Variants in ZNF560 observed in about 807,000 individuals in gnomAD.
ZNF560 encodes the protein zinc finger protein 560.
Under a neutral mutation model 81.8 loss-of-function variants are expected in ZNF560, and 54 were observed. That is an observed-to-expected ratio of 0.66 (90% CI 0.53 to 0.83). The LOEUF is 0.83. Among genes scored for constraint, ZNF560 ranks in the 40% least tolerant of loss-of-function variants. The pLI, the probability that ZNF560 is intolerant of heterozygous loss-of-function variation, is 0.00. For missense variants in ZNF560, 940 were observed against 932.4 expected (o/e 1.01, Z -0.11); for synonymous variants, 321 against 317.9 (o/e 1.01, Z -0.10).
intron 2 of ZNF560, among the ~76,000 whole-genome samples, chr19:9,479,180 A>T (rs2073247767): frequency 6.7e-6 from 1 of 150,138 alleles, no homozygotes; most frequent in African/African-American, 2.5e-5. Context: ...TTTTTTCCAA[A>T]ATGGAAAAAA....
At chr19:9,451,082 A>G in the ZNF560 span, among the ~76,000 whole-genome samples, 2 of 152,094 alleles carry the variant, frequency 1.3e-5, no homozygotes, top group African/African-American at 4.8e-5. Context: ...TATTCCTATC[A>G]AACTCTCAAT....
chr19:9,475,178 C>G, intron 3 of ZNF560, 106 bp downstream of exon 3: 1 of 1,230,462 alleles, frequency 8.1e-7, no homozygotes, highest in Admixed American at 1.9e-5. Context: ...TTGAGTGAGT[C>G]TTTATTTACT....
At chr19:9,498,755 GC>G (rs2073603266), upstream of ZNF560, 1 of 152,422 alleles carries the variant, frequency 6.6e-6, no homozygotes, top group East Asian at 1.9e-4. Context: ...TCGGCTCAGT[GC>G]CTGGGTGGGC....
intron 2 of ZNF560, among the ~76,000 whole-genome samples, chr19:9,477,646 C>T (rs1265697855): frequency 6.6e-6 from 1 of 152,152 alleles, no homozygotes; most frequent in Non-Finnish European, 1.5e-5. Context: ...TCAGACTCTG[C>T]CCCTTATATT....
At chr19:9,459,079 C>A in the ZNF560 span, among the ~76,000 whole-genome samples, 2 of 152,180 alleles carry the variant, frequency 1.3e-5, no homozygotes, top group Non-Finnish European at 2.9e-5. Context: ...CAAGCTCTAG[C>A]TACATTTTTC....
At chr19:9,482,581 G>C (rs2073307122) in intron 2 of ZNF560, among the ~76,000 whole-genome samples, 1 of 151,942 alleles carries the variant, frequency 6.6e-6, no homozygotes, top group African/African-American at 2.4e-5. Flanking sequence ...AGCCATGACT[G>C]CAGCACTGCA....
chr19:9,450,195 G>A, the ZNF560 span, among the ~76,000 whole-genome samples: 116 of 151,416 alleles, frequency 7.7e-4, no homozygotes, highest in Non-Finnish European at 1.3e-3. Context: ...GAAGGCTGAG[G>A]CAGGAGAATC....
the ZNF560 span, among the ~76,000 whole-genome samples, chr19:9,450,426 G>A: frequency 6.6e-6 from 1 of 152,180 alleles, no homozygotes; most frequent in African/African-American, 2.4e-5. Context: ...CTGATGATAT[G>A]AGTCTGTACA....
At chr19:9,504,722 G>T in the ZNF560 span, among the ~76,000 whole-genome samples, 4 of 152,082 alleles carry the variant, frequency 2.6e-5, no homozygotes, top group African/African-American at 4.8e-5. Flanking sequence ...ATATAACTTT[G>T]GGGTCTGTTT....
chr19:9,502,143 G>T (rs1233099256), upstream of ZNF560, among the ~76,000 whole-genome samples: 1 of 151,232 alleles, frequency 6.6e-6, no homozygotes, highest in Admixed American at 6.6e-5. Flanking sequence ...GACAGAGCAA[G>T]ATCTCATCTC....
intron 5 of ZNF560, among the ~76,000 whole-genome samples, chr19:9,471,926 C>A (rs977994294): frequency 5.3e-5 from 8 of 152,000 alleles, no homozygotes; most frequent in Admixed American, 5.2e-4. Context: ...CTGGCTAACA[C>A]GGTGGAACAC....
At chr19:9,483,711 A>C (rs1363675670) in intron 2 of ZNF560, among the ~76,000 whole-genome samples, 1 of 141,218 alleles carries the variant, frequency 7.1e-6, no homozygotes, top group East Asian at 2.3e-4. Context: ...CCCGTCTGGG[A>C]GGTGGGGGGC....
At chr19:9,479,912 TC>T (rs2073259773) in intron 2 of ZNF560, among the ~76,000 whole-genome samples, 1 of 151,602 alleles carries the variant, frequency 6.6e-6, no homozygotes, top group African/African-American at 2.4e-5. Flanking sequence ...CTGAAACAAA[TC>T]CCCCACAGAT....
intron 2 of ZNF560, among the ~76,000 whole-genome samples, chr19:9,497,763 T>A (rs1049109920): frequency 1.1e-4 from 16 of 152,166 alleles, no homozygotes; most frequent in African/African-American, 3.6e-4. Context: ...AGTACAGTCA[T>A]CCTGTTAATG....
upstream of ZNF560, among the ~76,000 whole-genome samples, chr19:9,499,298 C>T (rs2073611178): frequency 2.0e-5 from 3 of 152,096 alleles, no homozygotes; most frequent in South Asian, 6.2e-4. Context: ...CCTCAGCCTC[C>T]CGAGTAGCTG....
intron 9 of ZNF560, 105 bp downstream of exon 9, chr19:9,469,000 T>G: frequency 1.2e-6 from 1 of 862,266 alleles, no homozygotes; most frequent in Non-Finnish European, 1.8e-6. Context: ...AGTGCTGGGA[T>G]TAGAGGCATG....
chr19:9,485,285 A>T (rs939518166), intron 2 of ZNF560, among the ~76,000 whole-genome samples: 2 of 152,212 alleles, frequency 1.3e-5, no homozygotes, highest in Non-Finnish European at 2.9e-5. Context: ...ACAAAATACT[A>T]GCAAGCTGAA....
chr19:9,466,329 G>A (rs1231605035), downstream of ZNF560, among the ~76,000 whole-genome samples: 1 of 148,878 alleles, frequency 6.7e-6, no homozygotes, highest in African/African-American at 2.5e-5. Context: ...CTAGGTGACA[G>A]AGTGAGACTC....
chr19:9,457,664 C>T, the ZNF560 span, among the ~76,000 whole-genome samples: 9 of 152,176 alleles, frequency 5.9e-5, no homozygotes, highest in East Asian at 1.9e-4. Flanking sequence ...CTACTCCTTA[C>T]GTCTACTTGG....
Sources: gnomAD v4.1 joint callset for allele counts (sites outside exome capture counted in the v4.1 genomes callset) on GRCh38, gnomAD v4.1.1 for gene constraint, MANE v1.5 for transcripts, NCBI Gene and HGNC (gene_info 2026-07-23, HGNC 2026-07-21) for gene names.